CTIF: variants seen among roughly 807,000 people sequenced by gnomAD.
CTIF encodes the protein CBP80/20-dependent translation initiation factor.
In CTIF, 21 loss-of-function variants were observed where a neutral mutation model predicts 66.0. That is an observed-to-expected ratio of 0.32 (90% CI 0.23 to 0.46). The LOEUF is 0.46. CTIF is among the 20% of genes least tolerant of loss of function. The pLI, the probability that CTIF is intolerant of heterozygous loss-of-function variation, is 1.00. For synonymous variants in CTIF, 345 were observed against 326.4 expected (o/e 1.06, Z -0.62); for missense variants, 739 against 812.7 (o/e 0.91, Z 1.10).
chr18:48,789,915 G>A (rs1477702604), intron 9 of CTIF, among the ~76,000 whole-genome samples: 2 of 152,202 alleles, frequency 1.3e-5, no homozygotes, highest in African/African-American at 4.8e-5. Context: ...CTGGCCCCTG[G>A]CTTTGAATGC....
intron 9 of CTIF, among the ~76,000 whole-genome samples, chr18:48,763,704 C>T (rs912239416): frequency 6.6e-6 from 1 of 152,158 alleles, no homozygotes; most frequent in African/African-American, 2.4e-5. Flanking sequence ...CTATAGTTCC[C>T]TGGGAAAGTG....
intron 9 of CTIF, among the ~76,000 whole-genome samples, chr18:48,811,572 C>T (rs1474065735): frequency 2.0e-5 from 3 of 152,154 alleles, no homozygotes; most frequent in African/African-American, 7.2e-5. Flanking sequence ...GTCCCCTGCT[C>T]CCCAGCTCCT....
intron 7 of CTIF, among the ~76,000 whole-genome samples, chr18:48,732,371 AC>A (rs1413466275): frequency 1.3e-5 from 2 of 151,852 alleles, no homozygotes; most frequent in Non-Finnish European, 2.9e-5. Context: ...TTGTAAGGCA[AC>A]CCCGAGAAGG....
At chr18:48,740,663 C>A (rs567426973) in intron 7 of CTIF, among the ~76,000 whole-genome samples, 9 of 152,208 alleles carry the variant, frequency 5.9e-5, no homozygotes, top group Non-Finnish European at 1.3e-4. Context: ...AGGCCTTGCC[C>A]TTGTCCTGCC....
chr18:48,819,926 C>T (rs1261318458), intron 10 of CTIF, among the ~76,000 whole-genome samples: 1 of 152,158 alleles, frequency 6.6e-6, no homozygotes, highest in Non-Finnish European at 1.5e-5. Context: ...GGGAGGGTGG[C>T]AAGGCATGGA....
At chr18:48,582,149 A>C (rs1441923998) in intron 1 of CTIF, among the ~76,000 whole-genome samples, 2 of 151,870 alleles carry the variant, frequency 1.3e-5, no homozygotes, top group Non-Finnish European at 2.9e-5. Flanking sequence ...TGCTGTAATC[A>C]CCCTCTGGCC....
chr18:48,687,524 C>T (rs1022522050), intron 6 of CTIF, among the ~76,000 whole-genome samples: 1 of 152,076 alleles, frequency 6.6e-6, no homozygotes, highest in African/African-American at 2.4e-5. Context: ...ATTGTCCTCC[C>T]CTGCTTAGGA....
At chr18:48,763,515 G>C (rs538449760) in intron 9 of CTIF, among the ~76,000 whole-genome samples, 2 of 152,344 alleles carry the variant, frequency 1.3e-5, no homozygotes, top group Non-Finnish European at 2.9e-5. Flanking sequence ...AAGGGAACCT[G>C]TTTGGCTCCG....
At chr18:48,655,860 A>G (rs2091239312) in intron 3 of CTIF, among the ~76,000 whole-genome samples, 2 of 152,230 alleles carry the variant, frequency 1.3e-5, no homozygotes, top group South Asian at 4.1e-4. Context: ...CTAAACACTC[A>G]CAGCCTGGAA....
At chr18:48,621,739 G>A (rs905764940) in intron 2 of CTIF, 1 of 260,368 alleles carries the variant, frequency 3.8e-6, no homozygotes, top group South Asian at 3.4e-5. Flanking sequence ...CCAGCTCAAG[G>A]AACAGAAGGA....
At chr18:48,784,184 G>A (rs140476989) in intron 9 of CTIF, among the ~76,000 whole-genome samples, 4 of 152,326 alleles carry the variant, frequency 2.6e-5, no homozygotes, top group South Asian at 4.2e-4. Context: ...TGCTGTCATC[G>A]CGGCACACCC....
chr18:48,812,686 C>T (rs992211775), intron 9 of CTIF, among the ~76,000 whole-genome samples: 1 of 149,532 alleles, frequency 6.7e-6, no homozygotes, highest in South Asian at 2.1e-4. Context: ...CCTAAGAGGT[C>T]GAGGCTGCAG....
intron 2 of CTIF, among the ~76,000 whole-genome samples, chr18:48,628,095 A>G: frequency 6.6e-6 from 1 of 152,228 alleles, no homozygotes; most frequent in Middle Eastern, 3.2e-3. Flanking sequence ...AAGTGCTGAC[A>G]CTGTGATTGA....
At position 48,767,908 on chromosome 18, in the gene CTIF, G is replaced by A. The variant is rs77280126; in HGVS notation, c.1371+6219G>A. On this transcript the variant is annotated intron_variant, in intron 9 of 11. Coordinates refer to ENST00000256413, the MANE Select transcript of CTIF (RefSeq NM_014772.3). ...TGGGAATGACTTTAGCACAGAAGGG[G>A]CACTCAAGATTTTCTGGCTTGGCTT... Among the ~76,000 whole-genome samples, 744 of 152,256 alleles carry A rather than the reference G, an allele frequency of 4.9e-3. 10 individuals are homozygous for A. Among genetic ancestry groups the A allele is most frequent in the African/African-American group, 0.017 (711 of 41,530 alleles).
intron 10 of CTIF, among the ~76,000 whole-genome samples, chr18:48,856,038 T>C (rs2069320469): frequency 6.6e-6 from 1 of 152,148 alleles, no homozygotes; most frequent in Non-Finnish European, 1.5e-5. Context: ...GAGCAGAAGC[T>C]TGACAATAAC....
intron 7 of CTIF, among the ~76,000 whole-genome samples, chr18:48,742,534 A>G (rs1323720093): frequency 6.6e-6 from 1 of 152,252 alleles, no homozygotes; most frequent in Non-Finnish European, 1.5e-5. Flanking sequence ...CGAGAGCACC[A>G]TGCCCAGAGT....
chr18:48,855,422 A>T (rs1404333108), intron 10 of CTIF, among the ~76,000 whole-genome samples: 2 of 152,254 alleles, frequency 1.3e-5, no homozygotes, highest in African/African-American at 4.8e-5. Flanking sequence ...TTCTCCATAA[A>T]AGCAGTGAAT....
Position 48,741,365 on chromosome 18 carries a change from CCTGCCAGCT to C in CTIF, c.585-16545_585-16537del, listed in dbSNP as rs1471941193. On this transcript the variant is annotated intron_variant, in intron 7 of 11. Transcript: ENST00000256413. ...GGTGCTACCCTACCCCACCCTGTGTCCTGCCAGCTCTGCCAGCACTGACCTGGCCCACTC... is the reference window on the plus strand; with the variant it reads ...GGTGCTACCCTACCCCACCCTGTGTCCTGCCAGCACTGACCTGGCCCACTC... 8.1e-4 allele frequency among the ~76,000 whole-genome samples: 121 copies of C among 150,050 alleles called. 1 individual carries two copies. The highest frequency in any genetic ancestry group is 2.9e-3 in the African/African-American group (120 of 40,890).
intron 3 of CTIF, among the ~76,000 whole-genome samples, chr18:48,656,804 G>C (rs74885535): frequency 0.023 from 3,518 of 151,696 alleles, 48 homozygotes; most frequent in Middle Eastern, 0.054. Context: ...TTCAGCAACC[G>C]GGGGGGCAGG....
Sources: allele counts gnomAD v4.1 joint callset (sites outside exome capture counted in the v4.1 genomes callset), GRCh38; gene constraint gnomAD v4.1.1; transcripts MANE v1.5; gene names NCBI Gene and HGNC (gene_info 2026-07-23, HGNC 2026-07-21).